The following CEP112 variants were observed in gnomAD, a reference collection of about 807,000 sequenced individuals.
CEP112 encodes centrosomal protein of 112 kDa.
A neutral mutation model predicts 153.0 loss-of-function variants in CEP112; 127 were observed. The ratio of observed to expected loss-of-function variants is 0.83; its 90% CI spans 0.72 to 0.96. The LOEUF is 0.96. CEP112 is among the 40% of genes least tolerant of loss of function. The pLI, the probability that CEP112 is intolerant of heterozygous loss-of-function variation, is 0.00. For synonymous variants in CEP112, 358 were observed against 374.4 expected, an observed-to-expected ratio of 0.96 and a Z score of 0.51; for missense variants, 1,089 against 1,101.2, an observed-to-expected ratio of 0.99 and a Z score of 0.16.
chr17:65,914,329 C>T (rs1247305599), intron 19 of CEP112, among the ~76,000 whole-genome samples: 1 of 150,690 alleles, frequency 6.6e-6, no homozygotes, highest in Non-Finnish European at 1.5e-5. Context: ...AGCTACAGTT[C>T]GTAATTTAGA....
intron 4 of CEP112, among the ~76,000 whole-genome samples, chr17:66,136,847 A>G (rs1598420932): frequency 6.6e-6 from 1 of 152,174 alleles, no homozygotes; most frequent in East Asian, 1.9e-4. Flanking sequence ...CCACAGAAAA[A>G]GTTTATGAGG....
At chr17:65,767,128 A>G (rs780727672) in intron 21 of CEP112, among the ~76,000 whole-genome samples, 27 of 152,186 alleles carry the variant, frequency 1.8e-4, no homozygotes, top group Non-Finnish European at 3.8e-4. Context: ...AGTACAGACT[A>G]CATGGTGGGC....
At chr17:66,060,959 CAG>C (rs1460686263) in intron 11 of CEP112, among the ~76,000 whole-genome samples, 5 of 141,804 alleles carry the variant, frequency 3.5e-5, no homozygotes, top group Non-Finnish European at 7.7e-5. Context: ...AAAAAATCAA[CAG>C]AGTGAAAAGG....
At chr17:65,782,381 A>C (rs1178277197) in intron 21 of CEP112, among the ~76,000 whole-genome samples, 1 of 152,178 alleles carries the variant, frequency 6.6e-6, no homozygotes, top group African/African-American at 2.4e-5. Flanking sequence ...ATGCTTATAC[A>C]CTGTTGGTGG....
At chr17:66,179,015 T>G (rs2072607023) in intron 2 of CEP112, among the ~76,000 whole-genome samples, 1 of 152,178 alleles carries the variant, frequency 6.6e-6, no homozygotes, top group Admixed American at 6.5e-5. Flanking sequence ...TGTACGGATT[T>G]GTATCTGAGT....
chr17:65,674,710 C>T (rs763355255), intron 24 of CEP112, among the ~76,000 whole-genome samples: 2 of 152,200 alleles, frequency 1.3e-5, no homozygotes, highest in East Asian at 1.9e-4. Flanking sequence ...AGTGCCACTA[C>T]CTGTCTATCT....
chr17:65,826,337 G>C (rs1266265787), intron 21 of CEP112: 1 of 1,613,340 alleles, frequency 6.2e-7, no homozygotes, highest in Admixed American at 1.7e-5. Flanking sequence ...AAGCAGTGAT[G>C]AGAGCCCTCA....
chr17:65,677,552 G>C (rs2047293756), intron 24 of CEP112, among the ~76,000 whole-genome samples: 1 of 152,064 alleles, frequency 6.6e-6, no homozygotes, highest in African/African-American at 2.4e-5. Context: ...ATTGTCTGTT[G>C]CATTGAAAAA....
chr17:65,890,189 G>A (rs1213508980), intron 20 of CEP112, among the ~76,000 whole-genome samples: 1 of 152,134 alleles, frequency 6.6e-6, no homozygotes, highest in Non-Finnish European at 1.5e-5. Flanking sequence ...ATTACTAAGT[G>A]GGATAATAAG....
Position 66,132,756 on chromosome 17 carries a change from G to A in CEP112, c.478C>T (p.Gln160Ter). Residue 160 changes from glutamine (Q) to a stop codon, truncating the protein, a stop_gained, in exon 5 of 27, where the codon CAG (glutamine) becomes TAG (stop). Coordinates refer to ENST00000535342, the MANE Select transcript of CEP112 (RefSeq NM_001199165.4). LOFTEE classifies it high-confidence loss of function. ...CTCACTCGGAGCTTCCCAGTGTACT[G>A]TTCCCTGCTAAGAGACCAAAATAAT... ...QSPTDVYSRE[Q>*]YTGKLRVRSH... 3 of 1,611,818 alleles carry A rather than the reference G, an allele frequency of 1.9e-6. No homozygotes were observed. Among genetic ancestry groups the A allele is most frequent in the Non-Finnish European group, 2.5e-6 (3 of 1,177,926 alleles).
intron 21 of CEP112, chr17:65,751,164 T>G (rs992360736): frequency 9.7e-5 from 15 of 155,110 alleles, no homozygotes; most frequent in African/African-American, 3.4e-4. Flanking sequence ...ACAAAGGAGA[T>G]ATGGGATTTT....
At chr17:65,889,684 A>G (rs1250785343) in intron 20 of CEP112, among the ~76,000 whole-genome samples, 1 of 152,104 alleles carries the variant, frequency 6.6e-6, no homozygotes, top group Non-Finnish European at 1.5e-5. Context: ...TATTTTCAAT[A>G]GAGATGGAGA....
At chr17:65,649,121 G>GT (rs2045609670) in intron 24 of CEP112, among the ~76,000 whole-genome samples, 1 of 129,758 alleles carries the variant, frequency 7.7e-6, no homozygotes. Flanking sequence ...CACACACACT[G>GT]TATCAACCAA....
chr17:65,653,895 C>T (rs757423515), intron 24 of CEP112, among the ~76,000 whole-genome samples: 8 of 151,474 alleles, frequency 5.3e-5, no homozygotes, highest in Admixed American at 2.0e-4. Flanking sequence ...CCCATCTCTA[C>T]GAAAAATACA....
At chr17:65,958,998 C>T (rs527734066) in intron 18 of CEP112, among the ~76,000 whole-genome samples, 50 of 152,154 alleles carry the variant, frequency 3.3e-4, no homozygotes, top group Non-Finnish European at 6.6e-4. Context: ...TCCAGGGCCT[C>T]CTCTCTCCTA....
At chr17:65,856,353 T>C (rs1055052282) in intron 20 of CEP112, among the ~76,000 whole-genome samples, 1 of 152,184 alleles carries the variant, frequency 6.6e-6, no homozygotes, top group Non-Finnish European at 1.5e-5. Context: ...ATCTAAATAA[T>C]AGAGTCTGAG....
chr17:65,943,555 G>C (rs1316970386), intron 18 of CEP112, among the ~76,000 whole-genome samples: 1 of 152,318 alleles, frequency 6.6e-6, no homozygotes, highest in South Asian at 2.1e-4. Context: ...CTTCTGGCTT[G>C]TAGGGTTTCT....
intron 21 of CEP112, among the ~76,000 whole-genome samples, chr17:65,848,634 C>T (rs2057812031): frequency 6.6e-6 from 1 of 152,122 alleles, no homozygotes; most frequent in East Asian, 1.9e-4. Context: ...GGGTGATTCC[C>T]ACAGCTGTTT....
chr17:66,132,698 T>A lies in CEP112; in HGVS notation c.536A>T (p.Asp179Val), dbSNP rs2070243443. ...AATCTTTGGGGTAATATTTTGTCCATCTTCTCTGTGAGTTGGACTCAAGGA... is the reference window on the plus strand; with the variant it reads ...AATCTTTGGGGTAATATTTTGTCCAACTTCTCTGTGAGTTGGACTCAAGGA... ...SHSLSPTHRE[D>V]GQNITPKICE... The change falls in exon 5 of 27, where the codon GAT (aspartate) becomes GTT (valine). Residue 179 changes from aspartate (D) to valine (V), a missense_variant. By Grantham distance (152) the Asp-to-Val change is radical. Transcript: ENST00000535342. 1 of 1,613,606 alleles carries A rather than the reference T, an allele frequency of 6.2e-7. No homozygotes were observed. Among genetic ancestry groups the A allele is most frequent in the Non-Finnish European group, 8.5e-7 (1 of 1,179,500 alleles).
Sources: gnomAD v4.1 joint callset for allele counts (sites outside exome capture counted in the v4.1 genomes callset) on GRCh38, gnomAD v4.1.1 for gene constraint, MANE v1.5 for transcripts, NCBI Gene and HGNC (gene_info 2026-07-23, HGNC 2026-07-21) for gene names.